Variants in METTL15 observed in about 807,000 individuals in gnomAD.
METTL15 encodes the protein 12S rRNA N(4)-cytidine methyltransferase METTL15.
In METTL15, 34 loss-of-function variants were observed where a neutral mutation model predicts 38.3. The ratio of observed to expected loss-of-function variants is 0.89; its 90% CI spans 0.68 to 1.18. The LOEUF (loss-of-function observed/expected upper bound fraction) is 1.18. METTL15 is among the 50% of genes most tolerant of loss of function. The probability of loss-of-function intolerance (pLI) is 0.00; values close to 1 mark genes in which losing one functional copy is unlikely to be tolerated. For missense variants in METTL15, 438 were observed against 498.4 expected (o/e 0.88, Z 1.15); for synonymous variants, 162 against 170.9 (o/e 0.95, Z 0.41).
chr11:28,170,573 G>T (rs1432225179), intron 3 of METTL15, among the ~76,000 whole-genome samples: 1 of 152,142 alleles, frequency 6.6e-6, no homozygotes, highest in Non-Finnish European at 1.5e-5. Context: ...TAAACTAGGG[G>T]TGTATTATGC....
At chr11:28,204,393 G>A (rs11030240) in intron 3 of METTL15, among the ~76,000 whole-genome samples, 4,201 of 145,984 alleles carry the variant, frequency 0.029, 108 homozygotes, top group Middle Eastern at 0.056. Flanking sequence ...CTAGTAATAG[G>A]ATCTTAATCA....
intron 6 of METTL15, among the ~76,000 whole-genome samples, chr11:28,437,990 C>T (rs1178754598): frequency 1.4e-5 from 2 of 142,984 alleles, no homozygotes; most frequent in African/African-American, 4.9e-5. Flanking sequence ...GGTAGGTGCT[C>T]AATAAATATT....
At chr11:28,471,540 T>C (rs192776896) in intron 6 of METTL15, among the ~76,000 whole-genome samples, 6 of 152,272 alleles carry the variant, frequency 3.9e-5, no homozygotes, top group South Asian at 2.1e-4. Flanking sequence ...CTGTGATTTG[T>C]ATGCTTCCAA....
intron 3 of METTL15, among the ~76,000 whole-genome samples, chr11:28,195,301 A>G (rs186869038): frequency 1.6e-3 from 245 of 152,282 alleles, no homozygotes; most frequent in Non-Finnish European, 3.0e-3. Flanking sequence ...GCTGTTTTCC[A>G]TAAGGGTTAT....
intron 6 of METTL15, among the ~76,000 whole-genome samples, chr11:28,518,658 C>T (rs1443502677): frequency 2.0e-5 from 3 of 152,172 alleles, no homozygotes; most frequent in Non-Finnish European, 2.9e-5. Context: ...CAGGGTAACA[C>T]TATCCTGGTA....
chr11:28,531,027 C>T (rs1851840894), downstream of METTL15, among the ~76,000 whole-genome samples: 2 of 151,834 alleles, frequency 1.3e-5, no homozygotes. Flanking sequence ...CCCTGTTTTA[C>T]ATACTAAATG....
At chr11:28,510,488 A>C (rs1230582465) in intron 6 of METTL15, among the ~76,000 whole-genome samples, 1 of 152,200 alleles carries the variant, frequency 6.6e-6, no homozygotes, top group Non-Finnish European at 1.5e-5. Context: ...TTTGAGTAAA[A>C]TACCAATTCT....
chr11:28,415,343 GA>G (rs1850763828), intron 5 of METTL15, among the ~76,000 whole-genome samples: 1 of 152,040 alleles, frequency 6.6e-6, no homozygotes, highest in Admixed American at 6.6e-5. Flanking sequence ...AGTTTTTGAA[GA>G]AAATAAAAGA....
intron 5 of METTL15, among the ~76,000 whole-genome samples, chr11:28,384,384 C>G (rs977326237): frequency 7.9e-5 from 12 of 151,884 alleles, no homozygotes; most frequent in Non-Finnish European, 1.2e-4. Flanking sequence ...TGTTGGCTCA[C>G]TGCAACCTCT....
At chr11:28,125,198 G>T (rs1852422771) in intron 3 of METTL15, among the ~76,000 whole-genome samples, 1 of 151,932 alleles carries the variant, frequency 6.6e-6, no homozygotes. Flanking sequence ...TTTCCCCTGA[G>T]GAGTTTAAAG....
chr11:28,209,433 T>G (rs531776485), intron 3 of METTL15, among the ~76,000 whole-genome samples: 1 of 152,104 alleles, frequency 6.6e-6, no homozygotes, highest in African/African-American at 2.4e-5. Context: ...CAAAGGAAAT[T>G]ATTTGATCTT....
chr11:28,473,936 C>T (rs559694033), intron 6 of METTL15, among the ~76,000 whole-genome samples: 6 of 152,016 alleles, frequency 3.9e-5, no homozygotes, highest in African/African-American at 1.4e-4. Flanking sequence ...TCCTTTTCCC[C>T]ATTCCCATAC....
rs1849812240 is a variant in METTL15, at chr11:28,331,416, G to A, written c.*575G>A. On this transcript the variant is annotated 3_prime_UTR_variant, in exon 7 of 7. Coordinates refer to ENST00000407364, the MANE Select transcript of METTL15 (RefSeq NM_001113528.2). Reference sequence around the variant, plus strand: ...CAAATTATAGTCTATTATTTTAAAGGGATTTTTCAGTATGATATGGGCCAT... The same window carrying A: ...CAAATTATAGTCTATTATTTTAAAGAGATTTTTCAGTATGATATGGGCCAT... 6.6e-6 allele frequency: 1 copy of A among 151,168 alleles called. No homozygotes were observed. The highest frequency in any genetic ancestry group is 1.5e-5 in the Non-Finnish European group (1 of 67,778). 9.4% of individuals were successfully genotyped at this position (151,168 alleles called of 1,614,324 possible). A position where few individuals can be genotyped will look rare whatever the true frequency, so the allele number is the denominator to read the frequency against.
intron 6 of METTL15, among the ~76,000 whole-genome samples, chr11:28,464,376 C>G (rs888354637): frequency 1.3e-5 from 2 of 151,932 alleles, no homozygotes; most frequent in African/African-American, 4.8e-5. Context: ...GTTTCAACTA[C>G]TCTGTTTCAA....
At chr11:28,373,056 T>G (rs2133376975) in intron 5 of METTL15, among the ~76,000 whole-genome samples, 1 of 152,220 alleles carries the variant, frequency 6.6e-6, no homozygotes, top group South Asian at 2.1e-4. Flanking sequence ...TCTTTGCTAT[T>G]GTGAAAAAGT....
intron 4 of METTL15, among the ~76,000 whole-genome samples, chr11:28,354,552 G>A (rs1396756117): frequency 6.6e-6 from 1 of 152,110 alleles, no homozygotes; most frequent in Non-Finnish European, 1.5e-5. Flanking sequence ...TATTGAATTG[G>A]TCTGAGAGTA....
chr11:28,459,914 A>G (rs1263635097), intron 6 of METTL15, among the ~76,000 whole-genome samples: 1 of 151,938 alleles, frequency 6.6e-6, no homozygotes, highest in Non-Finnish European at 1.5e-5. Flanking sequence ...GTTGGTGTTA[A>G]TTTCTGGATA....
At chr11:28,481,246 A>C (rs1590389818) in intron 6 of METTL15, among the ~76,000 whole-genome samples, 1 of 152,300 alleles carries the variant, frequency 6.6e-6, no homozygotes, top group African/African-American at 2.4e-5. Context: ...TTGCTCCAGA[A>C]GGAATGCAGT....
At chr11:28,412,954 C>G (rs1850741663) in intron 5 of METTL15, among the ~76,000 whole-genome samples, 2 of 151,924 alleles carry the variant, frequency 1.3e-5, no homozygotes, top group Non-Finnish European at 2.9e-5. Flanking sequence ...ATAGGCTTCA[C>G]TATAGTAACC....
Sources: gnomAD v4.1 joint callset for allele counts (sites outside exome capture counted in the v4.1 genomes callset) on GRCh38, gnomAD v4.1.1 for gene constraint, MANE v1.5 for transcripts, NCBI Gene and HGNC (gene_info 2026-07-23, HGNC 2026-07-21) for gene names.